The following LIMS1 variants were observed in gnomAD, a reference collection of about 807,000 sequenced individuals.
The protein encoded by LIMS1 is LIM zinc finger domain containing 1.
LIMS1 carries 18 observed loss-of-function variants against 44.1 expected under a neutral mutation model. The observed-to-expected ratio is 0.41, with a 90% CI of 0.28 to 0.61. LIMS1 has a LOEUF of 0.61. Ranked by LOEUF, LIMS1 falls within the 20% of genes least tolerant of loss-of-function variation. The pLI is 0.32. For synonymous variants in LIMS1, 93 were observed against 149.1 expected (o/e 0.62, Z 2.74); for missense variants, 201 against 422.0 (o/e 0.48, Z 4.59).
At chr2:108,619,316 TTGA>T (rs952018638) in intron 1 of LIMS1, among the ~76,000 whole-genome samples, 12 of 152,276 alleles carry the variant, frequency 7.9e-5, no homozygotes, top group Middle Eastern at 6.8e-3. Context: ...CTATTCTGTG[TTGA>T]TGGTGGGGGA....
intron 8 of LIMS1, among the ~76,000 whole-genome samples, chr2:108,680,481 G>A (rs796606450): frequency 9.4e-5 from 14 of 148,534 alleles, no homozygotes; most frequent in African/African-American, 3.5e-4. Flanking sequence ...GGGTTACAGT[G>A]AGCCAAGATT....
At chr2:108,552,729 A>G (rs1201150449) in intron 1 of LIMS1, among the ~76,000 whole-genome samples, 1 of 151,708 alleles carries the variant, frequency 6.6e-6, no homozygotes, top group Non-Finnish European at 1.5e-5. Context: ...GGCATGTGCC[A>G]CCATGACAAG....
intron 1 of LIMS1, among the ~76,000 whole-genome samples, chr2:108,573,662 C>CT (rs1685566767): frequency 6.6e-6 from 1 of 152,206 alleles, no homozygotes; most frequent in Non-Finnish European, 1.5e-5. Flanking sequence ...ACAGAACTCT[C>CT]TGTCTTCATG....
At chr2:108,616,782 A>G (rs1573458674) in intron 1 of LIMS1, among the ~76,000 whole-genome samples, 2 of 152,270 alleles carry the variant, frequency 1.3e-5, no homozygotes, top group East Asian at 1.9e-4. Flanking sequence ...CAGCAGATAT[A>G]TAGCCCTGTT....
chr2:108,667,748 C>G (rs1483189088), intron 2 of LIMS1, among the ~76,000 whole-genome samples: 1 of 151,712 alleles, frequency 6.6e-6, no homozygotes, highest in African/African-American at 2.4e-5. Context: ...TCCCACCTCA[C>G]CCTCAGAGCT....
At chr2:108,618,202 T>G (rs1024385216) in intron 1 of LIMS1, among the ~76,000 whole-genome samples, 2 of 152,094 alleles carry the variant, frequency 1.3e-5, no homozygotes, top group East Asian at 1.9e-4. Flanking sequence ...AAATGAAAAA[T>G]ATCTCTATTT....
intron 1 of LIMS1, among the ~76,000 whole-genome samples, chr2:108,637,290 T>C (rs533394459): frequency 2.2e-4 from 33 of 152,322 alleles, no homozygotes; most frequent in African/African-American, 7.5e-4. Context: ...GGTTCATTGT[T>C]TTCACTTGAC....
chr2:108,573,900 C>G (rs1364710092), intron 1 of LIMS1, among the ~76,000 whole-genome samples: 1 of 152,042 alleles, frequency 6.6e-6, no homozygotes, highest in Non-Finnish European at 1.5e-5. Flanking sequence ...GAGGTGAGGT[C>G]CTGCAGTTTT....
At chr2:108,648,614 G>A (rs892263639) in intron 1 of LIMS1, among the ~76,000 whole-genome samples, 3 of 152,044 alleles carry the variant, frequency 2.0e-5, no homozygotes, top group African/African-American at 7.2e-5. Flanking sequence ...AAAACAGCAT[G>A]GTACTTATAC....
intron 1 of LIMS1, among the ~76,000 whole-genome samples, chr2:108,589,844 C>T (rs1378861760): frequency 1.3e-5 from 2 of 152,038 alleles, no homozygotes; most frequent in African/African-American, 4.8e-5. Flanking sequence ...TTTTCCATGT[C>T]CTCCTGTTAC....
chr2:108,619,685 AAAAAC>A (rs897611738), intron 1 of LIMS1, among the ~76,000 whole-genome samples: 17 of 152,168 alleles, frequency 1.1e-4, no homozygotes, highest in African/African-American at 1.7e-4. Flanking sequence ...CTCTGTCTCA[AAAAAC>A]AAAACAAAAC....
intron 1 of LIMS1, among the ~76,000 whole-genome samples, chr2:108,623,088 A>G (rs1362353207): frequency 1.3e-5 from 2 of 150,306 alleles, no homozygotes; most frequent in Admixed American, 1.3e-4. Context: ...CTGGTGATGT[A>G]GTTATCTGGT....
At chr2:108,590,936 A>C (rs574791795) in intron 1 of LIMS1, among the ~76,000 whole-genome samples, 50 of 152,342 alleles carry the variant, frequency 3.3e-4, no homozygotes, top group African/African-American at 1.2e-3. Flanking sequence ...GTAAGTGCTC[A>C]GTAAATAAAT....
At chr2:108,588,053 C>T (rs1000077616) in intron 1 of LIMS1, among the ~76,000 whole-genome samples, 1 of 152,074 alleles carries the variant, frequency 6.6e-6, no homozygotes, top group African/African-American at 2.4e-5. Context: ...TTTAAAGTTA[C>T]CTCTTTCTAT....
intron 1 of LIMS1, among the ~76,000 whole-genome samples, chr2:108,627,189 T>A (rs546828090): frequency 6.6e-6 from 1 of 152,362 alleles, no homozygotes; most frequent in African/African-American, 2.4e-5. Flanking sequence ...TTTGTGTATG[T>A]TTATGTGAAC....
chr2:108,656,621 T>C (rs1170475524), intron 1 of LIMS1, among the ~76,000 whole-genome samples: 5 of 151,064 alleles, frequency 3.3e-5, no homozygotes, highest in African/African-American at 1.2e-4. Context: ...TCTGTTTCCT[T>C]TTTCCCCCTG....
intron 1 of LIMS1, among the ~76,000 whole-genome samples, chr2:108,575,327 A>G (rs1685628263): frequency 6.6e-6 from 1 of 152,214 alleles, no homozygotes; most frequent in African/African-American, 2.4e-5. Context: ...CTTCAAAAAA[A>G]TGCAAAAGAG....
chr2:108,588,507 A>T (rs1356157883), intron 1 of LIMS1: 3 of 985,576 alleles, frequency 3.0e-6, no homozygotes, highest in Non-Finnish European at 3.6e-6. Flanking sequence ...TGGCTCAGGT[A>T]GAGTGCGTAG....
At chr2:108,536,083 G>A (rs901775891) in intron 1 of LIMS1, among the ~76,000 whole-genome samples, 19 of 152,134 alleles carry the variant, frequency 1.2e-4, no homozygotes, top group Non-Finnish European at 2.2e-4. Context: ...TAAGAATAAC[G>A]GATATGTAGT....
Sources: gnomAD v4.1 joint callset for allele counts (sites outside exome capture counted in the v4.1 genomes callset) on GRCh38, gnomAD v4.1.1 for gene constraint, MANE v1.5 for transcripts, NCBI Gene and HGNC (gene_info 2026-07-23, HGNC 2026-07-21) for gene names.